Variants in P2RX1 observed in about 807,000 individuals in gnomAD.
The protein encoded by P2RX1 is purinergic receptor P2X 1.
Under a neutral mutation model 50.3 loss-of-function variants are expected in P2RX1, and 42 were observed. The observed-to-expected ratio is 0.83, with a 90% confidence interval of 0.65 to 1.08. P2RX1 has a LOEUF of 1.08. P2RX1 is among the 50% of genes least tolerant of loss of function. The pLI is 0.00. For missense variants in P2RX1, 449 were observed against 529.0 expected (o/e 0.85, Z 1.48); for synonymous variants, 199 against 202.6 (o/e 0.98, Z 0.15).
chr17:3,901,822 A>G (rs1234402254), intron 7 of P2RX1, among the ~76,000 whole-genome samples: 1 of 151,930 alleles, frequency 6.6e-6, no homozygotes, highest in Non-Finnish European at 1.5e-5. Flanking sequence ...TAGGCTTCCC[A>G]CGTGCCAGGC....
chr17:3,902,097 C>CTA (rs2056158924), intron 7 of P2RX1, among the ~76,000 whole-genome samples: 1 of 152,158 alleles, frequency 6.6e-6, no homozygotes, highest in African/African-American at 2.4e-5. Context: ...GGGCCATAGG[C>CTA]TATAGGATTC....
intron 3 of P2RX1, 101 bp from the exon 4 acceptor site, chr17:3,904,500 A>T: frequency 1.0e-6 from 1 of 1,003,394 alleles, no homozygotes; most frequent in Non-Finnish European, 1.5e-6. Flanking sequence ...CGTGGGGCAG[A>T]GTCTCAGACC....
In P2RX1 at chr17:3,899,770, G is replaced by A. The variant is rs375033059; in HGVS notation, c.748-9C>T. The A allele has an allele frequency of 1.2e-6, 2 of 1,613,064 alleles. No homozygotes were observed. Among genetic ancestry groups the A allele is most frequent in the African/African-American group, 1.3e-5 (1 of 74,990 alleles). On this transcript the variant is annotated splice_polypyrimidine_tract_variant and intron_variant, in intron 7 of 11. Coordinates refer to ENST00000225538, the MANE Select transcript of P2RX1 (RefSeq NM_002558.4). ...ATGCCAACCACTCCACCCTGCCAGG[G>A]ACACAAGTAGTTAAGATCTGGGATT... is the stretch of plus-strand genomic sequence containing the variant.
intron 1 of P2RX1, among the ~76,000 whole-genome samples, chr17:3,910,947 G>T (rs767365656): frequency 6.6e-5 from 10 of 152,148 alleles, no homozygotes; most frequent in Non-Finnish European, 1.0e-4. Context: ...TGAATCTCAG[G>T]CCAACCATTT....
At position 3,903,838 on chromosome 17, in the gene P2RX1, A is replaced by G; in HGVS notation, c.524+90T>C. On this transcript the variant is annotated intron_variant, in intron 5 of 11. Coordinates refer to ENST00000225538, the MANE Select transcript of P2RX1 (RefSeq NM_002558.4). This position sits in a 1 kb window ranked among gnomAD's most constrained non-coding sequence, Gnocchi z 4.6. The stretch of plus-strand genomic sequence containing the variant: ...GCGGATGGGGTGAGGGTGGGGTCAG[A>G]AAAAGGGGTAAAGATCCTTTCTAGA... The G allele has an allele frequency of 8.0e-7, 1 of 1,251,496 alleles. No individual in the cohort carries two copies. The highest frequency in any genetic ancestry group is 1.2e-5 in the South Asian group (1 of 82,906). 77.5% of individuals were successfully genotyped at this position (1,251,496 alleles called of 1,614,324 possible).
At position 3,916,219 on chromosome 17, in the gene P2RX1, G is replaced by T. The variant is rs769787851; in HGVS notation, c.7C>A (p.Arg3=). The T allele has an allele frequency of 2.5e-6, 4 of 1,612,952 alleles. No individual in the cohort carries two copies. Among genetic ancestry groups the T allele is most frequent in the Non-Finnish European group, 1.7e-6 (2 of 1,179,978 alleles). MA[R]RFQEELAAFL... ...GCGGCCAGCTCCTCCTGGAACCGCCGTGCCATGGTGGGCCGGCTGGGGCTC... is the reference window on the plus strand; with the variant it reads ...GCGGCCAGCTCCTCCTGGAACCGCCTTGCCATGGTGGGCCGGCTGGGGCTC... The change falls in exon 1 of 12, where the codon CGG becomes AGG. Residue 3 remains arginine, a synonymous_variant. Coordinates refer to ENST00000225538, the MANE Select transcript of P2RX1 (RefSeq NM_002558.4).
intron 3 of P2RX1, 22 bp downstream of exon 3, chr17:3,904,836 G>A: frequency 1.3e-6 from 2 of 1,571,088 alleles, no homozygotes; most frequent in African/African-American, 1.3e-5. Context: ...CCAGAAGGGG[G>A]CTGGCGGGCA....
intron 1 of P2RX1, among the ~76,000 whole-genome samples, chr17:3,911,905 T>G (rs1009645721): frequency 2.0e-5 from 3 of 152,186 alleles, no homozygotes; most frequent in Non-Finnish European, 2.9e-5. Context: ...CTGCAATGAT[T>G]GATTGGTTCT....
In P2RX1 at chr17:3,898,958, G is replaced by A. The variant is rs753786640; in HGVS notation, c.942C>T (p.Arg314=). 5.6e-6 allele frequency: 9 copies of A among 1,613,858 alleles called. No individual in the cohort carries two copies. The South Asian group carries it at 8.8e-5, about 16-fold the overall frequency. Residue 314 remains arginine (R), a synonymous_variant, in exon 9 of 12, where the codon CGC becomes CGT. Transcript: ENST00000225538. ...CCTTGCCGTCCACCAGGATGTCAAA[G>A]CGAATCCCAAACACCTTGAAGAGGT... ...YRHLFKVFGI[R]FDILVDGKAG... is the part of the protein sequence containing the mutation.
chr17:3,898,227 G>T, intron 10 of P2RX1, 117 bp from the exon 11 acceptor site: 1 of 946,868 alleles, frequency 1.1e-6, no homozygotes, highest in Non-Finnish European at 1.7e-6. Flanking sequence ...CCTCACTGGA[G>T]GCCAGTTTCC....
rs1458269225 is a variant in P2RX1, at chr17:3,897,637, A to G, written c.*177T>C. The G allele has an allele frequency of 1.5e-6, 1 of 652,490 alleles. No individual in the cohort carries two copies. The highest frequency in any genetic ancestry group is 2.8e-6 in the Non-Finnish European group (1 of 362,128). 40.4% of individuals were successfully genotyped at this position (652,490 alleles called of 1,614,324 possible). A position where few individuals can be genotyped will look rare whatever the true frequency, so the allele number is the denominator to read the frequency against. On this transcript the variant is annotated 3_prime_UTR_variant, in exon 12 of 12. Transcript: ENST00000225538. Reference sequence around the variant, plus strand: ...TCAGGGTGTGTGGGGTCGGAGCCGGAGCTCAGATTTGCACAGGTCTCTCCT... The same window carrying G: ...TCAGGGTGTGTGGGGTCGGAGCCGGGGCTCAGATTTGCACAGGTCTCTCCT...
intron 7 of P2RX1, among the ~76,000 whole-genome samples, chr17:3,900,485 A>AT (rs2056118611): frequency 6.6e-6 from 1 of 152,000 alleles, no homozygotes; most frequent in African/African-American, 2.4e-5. Flanking sequence ...AAAACTGGAC[A>AT]TTTTTTATTT....
chr17:3,913,699 G>C (rs1260552829), intron 1 of P2RX1, among the ~76,000 whole-genome samples: 1 of 152,218 alleles, frequency 6.6e-6, no homozygotes, highest in African/African-American at 2.4e-5. Context: ...GTCTGTCTCT[G>C]TGTCCACCCA....
intron 1 of P2RX1, among the ~76,000 whole-genome samples, chr17:3,915,123 G>A (rs182652872): frequency 6.6e-6 from 1 of 152,252 alleles, no homozygotes; most frequent in East Asian, 1.9e-4. Context: ...GGCAGGCAGG[G>A]GCTACTGGGC....
chr17:3,903,508 C>T lies in P2RX1; in HGVS notation c.605+43G>A, dbSNP rs1326579638. On this transcript the variant is annotated intron_variant, in intron 6 of 11. Transcript: ENST00000225538. This position sits in a 1 kb window ranked among gnomAD's most constrained non-coding sequence, Gnocchi z 4.6. ...AGACAGCTGAGAGCTGCCGGAGCGG[C>T]CCCGGCCAGCTGCCTGCATTTCTGC... is the stretch of plus-strand genomic sequence containing the variant. 1.2e-6 allele frequency: 2 copies of T among 1,603,178 alleles called. No individual in the cohort carries two copies. Among genetic ancestry groups the T allele is most frequent in the African/African-American group, 1.3e-5 (1 of 74,706 alleles).
Position 3,898,499 on chromosome 17 carries a change from A to C in P2RX1, c.1017T>G (p.Ile339Met). 6.2e-7 allele frequency: 1 copy of C among 1,613,926 alleles called. No homozygotes were observed. Residue 339 changes from isoleucine to methionine, a missense_variant, in exon 10 of 12, where the codon ATT (isoleucine) becomes ATG (methionine). Physicochemically the swap from Ile to Met is conservative, Grantham distance 10 (BLOSUM62 1). Transcript: ENST00000225538. ...IPTMTTIGSG[I>M]GIFGVATVLC... ...CAGCACTTACCACCCCAAAGATGCC[A>C]ATTCCAGAGCCGATGGTGGTCATTG...
chr17:3,913,866 G>C (rs549791888), intron 1 of P2RX1, among the ~76,000 whole-genome samples: 1 of 152,216 alleles, frequency 6.6e-6, no homozygotes, highest in African/African-American at 2.4e-5. Flanking sequence ...CTCTTGGGGG[G>C]GGTGGTCCCC....
chr17:3,909,274 C>T (rs959517036), intron 1 of P2RX1, among the ~76,000 whole-genome samples: 1 of 152,142 alleles, frequency 6.6e-6, no homozygotes, highest in Admixed American at 6.5e-5. Context: ...TCGTGATCCG[C>T]CCGCCTCGGC....
At chr17:3,901,255 G>A (rs2056136397) in intron 7 of P2RX1, among the ~76,000 whole-genome samples, 1 of 152,216 alleles carries the variant, frequency 6.6e-6, no homozygotes, top group African/African-American at 2.4e-5. Context: ...TTTTAGTAGA[G>A]ACGGGGTTTC....
Sources: allele counts gnomAD v4.1 joint callset (sites outside exome capture counted in the v4.1 genomes callset), GRCh38; gene constraint gnomAD v4.1.1; non-coding constraint Gnocchi (gnomAD v3.1); transcripts MANE v1.5; gene names NCBI Gene and HGNC (gene_info 2026-07-23, HGNC 2026-07-21).